The following MEIG1 variants were observed in gnomAD, a reference collection of about 807,000 sequenced individuals.
MEIG1 encodes the protein meiosis/spermiogenesis associated 1, also known as meiosis expressed gene 1 protein homolog.
Under a neutral mutation model 11.3 loss-of-function variants are expected in MEIG1, and 12 were observed. The ratio of observed to expected loss-of-function variants is 1.07; its 90% CI spans 0.68 to 1.73. The LOEUF (loss-of-function observed/expected upper bound fraction) is 1.73, where lower values mean the gene tolerates loss of function less well. Among genes scored for constraint, MEIG1 ranks in the 40% most tolerant of loss-of-function variants. The pLI is 0.00. For missense variants in MEIG1, 119 were observed against 104.9 expected (o/e 1.13, Z -0.59); for synonymous variants, 41 against 33.2 (o/e 1.24, Z -0.81).
upstream of MEIG1, among the ~76,000 whole-genome samples, chr10:14,957,583 G>C (rs1241351391): frequency 6.6e-6 from 1 of 152,132 alleles, no homozygotes; most frequent in Non-Finnish European, 1.5e-5. Context: ...CATAAGATGG[G>C]AAGCCATTGC....
In MEIG1 at chr10:14,972,625, A is replaced by C; in HGVS notation, c.251A>C (p.Lys84Thr). 6.2e-7 allele frequency: 1 copy of C among 1,611,162 alleles called. No individual in the cohort carries two copies. Among genetic ancestry groups the C allele is most frequent in the African/African-American group, 1.3e-5 (1 of 74,932 alleles). Residue 84 changes from lysine (K) to threonine (T), a missense_variant, in exon 3 of 3, where the codon AAA becomes ACA. Coordinates refer to ENST00000407572, the MANE Select transcript of MEIG1 (RefSeq NM_001080836.3). The stretch of plus-strand genomic sequence containing the variant: ...GATGACAAAGAAGTCCACAAAGTGA[A>C]AATTTATGCTTACTAGCCTGTCTTC... Reference protein sequence around the residue: ...ECDDKEVHKVKIYAY With the variant: ...ECDDKEVHKVTIYAY
intron 2 of MEIG1, among the ~76,000 whole-genome samples, chr10:14,971,587 A>G (rs1331254936): frequency 6.6e-6 from 1 of 152,086 alleles, no homozygotes; most frequent in Non-Finnish European, 1.5e-5. Flanking sequence ...TTGGGGCAGA[A>G]GGAAATGCAT....
At chr10:14,986,600 T>C (rs1023755392) in intron 1 of MEIG1, among the ~76,000 whole-genome samples, 7 of 152,196 alleles carry the variant, frequency 4.6e-5, no homozygotes, top group African/African-American at 1.7e-4. Flanking sequence ...CTTTCCACCT[T>C]ACTCAGATTC....
chr10:14,954,385 G>A, the MEIG1 span: 2 of 361,592 alleles, frequency 5.5e-6, no homozygotes, highest in African/African-American at 4.2e-5. Context: ...CCCAGCCGAC[G>A]AGGTGAGTGG....
intron 1 of MEIG1, among the ~76,000 whole-genome samples, chr10:14,959,780 C>A (rs1441122237): frequency 2.0e-5 from 3 of 152,212 alleles, no homozygotes; most frequent in African/African-American, 7.2e-5. Context: ...CCGGTTCTCC[C>A]GGAAGTTTCC....
intron 2 of MEIG1, chr10:14,987,613 G>T: frequency 3.8e-6 from 2 of 527,344 alleles, no homozygotes; most frequent in Admixed American, 3.2e-5. Flanking sequence ...GAATTTTTAC[G>T]TGATTTACTT....
At chr10:14,955,656 C>T (rs6602770), upstream of MEIG1, among the ~76,000 whole-genome samples, 99,854 of 152,060 alleles carry the variant, frequency 0.66, 33,042 homozygotes, top group Admixed American at 0.69. Flanking sequence ...CTAGATCATG[C>T]CAGTTCACTC....
At chr10:14,958,593 C>T (rs928452409), upstream of MEIG1, among the ~76,000 whole-genome samples, 3 of 152,182 alleles carry the variant, frequency 2.0e-5, no homozygotes, top group African/African-American at 7.2e-5. Flanking sequence ...CCTGATGGCT[C>T]TACATTCAAA....
intron 2 of MEIG1, among the ~76,000 whole-genome samples, chr10:14,971,956 T>C (rs992455498): frequency 2.0e-5 from 3 of 150,660 alleles, no homozygotes; most frequent in Non-Finnish European, 4.4e-5. Context: ...GTCTCCAAAA[T>C]AAAACAAAAT....
chr10:14,961,036 AT>A (rs1485444621), intron 1 of MEIG1, among the ~76,000 whole-genome samples: 2 of 152,164 alleles, frequency 1.3e-5, no homozygotes, highest in Admixed American at 6.5e-5. Flanking sequence ...TCTCAAAAAA[AT>A]AATAAATAAA....
At chr10:14,957,276 T>C (rs1027428437), upstream of MEIG1, among the ~76,000 whole-genome samples, 1 of 152,158 alleles carries the variant, frequency 6.6e-6, no homozygotes, top group African/African-American at 2.4e-5. Flanking sequence ...CAGGGTCATG[T>C]TGATAGTAAG....
rs866476915 is a variant in MEIG1, at chr10:14,967,508, T to C, written c.138+902T>C. Among the ~76,000 whole-genome samples, 477 of 149,062 alleles carry C rather than the reference T, an allele frequency of 3.2e-3. 2 individuals are homozygous for C. The highest frequency in any genetic ancestry group is 0.01 in the Middle Eastern group (3 of 286). ...TATTCTCTTGGCTACTAAGATATTT[T>C]TTTTTTTTTTTTTTGAGACAGAGTC... is the stretch of plus-strand genomic sequence containing the variant. On this transcript the variant is annotated intron_variant, in intron 2 of 2. Transcript: ENST00000407572.
intron 1 of MEIG1, among the ~76,000 whole-genome samples, chr10:14,982,374 G>A (rs1267411604): frequency 6.6e-6 from 1 of 152,090 alleles, no homozygotes; most frequent in Non-Finnish European, 1.5e-5. Flanking sequence ...GCTGGTGCAT[G>A]TTCCTCTAGC....
intron 1 of MEIG1, among the ~76,000 whole-genome samples, chr10:14,961,472 AATTT>A (rs1230991112): frequency 6.6e-6 from 1 of 151,568 alleles, no homozygotes; most frequent in African/African-American, 2.4e-5. Context: ...TTAGATGTCA[AATTT>A]ATTTATTTTT....
At chr10:14,958,005 G>A (rs1054381380), upstream of MEIG1, among the ~76,000 whole-genome samples, 7 of 152,138 alleles carry the variant, frequency 4.6e-5, no homozygotes, top group Non-Finnish European at 1.0e-4. Flanking sequence ...CTACAGAGGG[G>A]GCATAGAGAG....
rs191648832 is a variant in MEIG1 at position 14,970,020 on chromosome 10, C to A, written c.139-2493C>A. ...AAACAAAATCACTTCCTTCCAGGGA[C>A]AATCCCCAGAGAGGGCTTAGTGTCC... is the stretch of plus-strand genomic sequence containing the variant. On this transcript the variant is annotated intron_variant, in intron 2 of 2. Transcript: ENST00000407572. 5.9e-5 allele frequency among the ~76,000 whole-genome samples: 9 copies of A among 152,316 alleles called. No individual in the cohort carries two copies. The East Asian group carries it at 1.7e-3, about 29-fold the overall frequency.
At chr10:14,982,734 C>A (rs1843277689) in intron 1 of MEIG1, among the ~76,000 whole-genome samples, 2 of 152,088 alleles carry the variant, frequency 1.3e-5, no homozygotes, top group Non-Finnish European at 2.9e-5. Context: ...TTAATAATAT[C>A]AATTGTTAAT....
downstream of MEIG1, among the ~76,000 whole-genome samples, chr10:14,974,785 T>A (rs1467927671): frequency 6.6e-6 from 1 of 152,058 alleles, no homozygotes; most frequent in Non-Finnish European, 1.5e-5. Flanking sequence ...ATCTTATTCA[T>A]TAGAAAACAG....
At chr10:14,956,362 C>T (rs1430411157), upstream of MEIG1, among the ~76,000 whole-genome samples, 4 of 151,204 alleles carry the variant, frequency 2.6e-5, no homozygotes, top group Admixed American at 6.6e-5. Flanking sequence ...GTGGATCACC[C>T]GAGGTCAGGA....
Sources: gnomAD v4.1 joint callset for allele counts (sites outside exome capture counted in the v4.1 genomes callset) on GRCh38, gnomAD v4.1.1 for gene constraint, MANE v1.5 for transcripts, NCBI Gene and HGNC (gene_info 2026-07-23, HGNC 2026-07-21) for gene names.